The following UBASH3A variants were observed in gnomAD, a reference collection of about 807,000 sequenced individuals.
UBASH3A encodes ubiquitin-associated and SH3 domain-containing protein A.
UBASH3A carries 63 observed loss-of-function variants against 73.5 expected under a neutral mutation model. That is an observed-to-expected ratio of 0.86 (90% confidence interval 0.70 to 1.06). The LOEUF (loss-of-function observed/expected upper bound fraction) is 1.06, where lower values mean the gene tolerates loss of function less well. Ranked by LOEUF, UBASH3A falls within the 50% of genes least tolerant of loss-of-function variation. UBASH3A has a pLI of 0.00. For missense variants in UBASH3A, 860 were observed against 859.0 expected (o/e 1.00, Z -0.02); for synonymous variants, 363 against 351.1 (o/e 1.03, Z -0.38).
chr21:42,444,583 G>A lies in UBASH3A; in HGVS notation c.1788G>A (p.Thr596=), dbSNP rs771455122. The A allele has an allele frequency of 3.7e-6, 6 of 1,614,130 alleles. No individual in the cohort carries two copies. The highest frequency in any genetic ancestry group is 2.2e-5 in the East Asian group (1 of 44,880). ...ACGGCTCCACTCTGGACTCCTGCAC[G>A]CGGCCACTGCTCGGGCTGCCGCCCC... is the stretch of plus-strand genomic sequence containing the variant. The part of the protein sequence containing the change: ...VSHGSTLDSC[T]RPLLGLPPRE... The change falls in exon 14 of 15, where the codon ACG becomes ACA. Residue 596 remains threonine (T), a synonymous_variant. Coordinates refer to ENST00000319294, the MANE Select transcript of UBASH3A (RefSeq NM_018961.4).
chr21:42,428,141 C>T (rs1249686467), intron 8 of UBASH3A, among the ~76,000 whole-genome samples: 2 of 152,164 alleles, frequency 1.3e-5, no homozygotes, highest in Non-Finnish European at 2.9e-5. Context: ...AGAGAGAGGC[C>T]TCAAAAGGAA....
At chr21:42,431,077 C>T (rs1162741219) in intron 8 of UBASH3A, among the ~76,000 whole-genome samples, 1 of 152,178 alleles carries the variant, frequency 6.6e-6, no homozygotes, top group Non-Finnish European at 1.5e-5. Flanking sequence ...CTAGCTGGCT[C>T]GGCCCCTAGC....
At chr21:42,424,983 T>C (rs883868) in intron 7 of UBASH3A, among the ~76,000 whole-genome samples, 72,468 of 151,998 alleles carry the variant, frequency 0.48, 17,554 homozygotes, top group African/African-American at 0.53. Context: ...CCAGCCTCAA[T>C]GGTGGCTTGA....
intron 2 of UBASH3A, 125 bp downstream of exon 2, chr21:42,406,486 C>A (rs564904655): frequency 2.6e-6 from 2 of 757,782 alleles, no homozygotes; most frequent in Non-Finnish European, 4.6e-6. Flanking sequence ...GGGGCCACTG[C>A]GGAAGTGAAA....
At chr21:42,435,659 T>C (rs999927430) in intron 10 of UBASH3A, 1 of 152,184 alleles carries the variant, frequency 6.6e-6, no homozygotes, top group South Asian at 2.1e-4. Flanking sequence ...CATAGAGTTA[T>C]AGAGTTAGAG....
At position 42,447,172 on chromosome 21, in the gene UBASH3A, G is replaced by A; in HGVS notation, c.1964G>A (p.Arg655Lys). The change falls in exon 15 of 15, where the codon AGG becomes AAG. Residue 655 changes from arginine to lysine, a missense_variant. By Grantham distance (26) the Arg-to-Lys change is conservative. Transcript: ENST00000319294. ...THGANAAFNW[R>K]NWISGN Reference sequence around the variant, plus strand: ...GGGGCGAACGCAGCATTTAACTGGAGGAACTGGATCTCAGGCAACTGAGAG... The same window carrying A: ...GGGGCGAACGCAGCATTTAACTGGAAGAACTGGATCTCAGGCAACTGAGAG... The A allele has an allele frequency of 6.2e-7, 1 of 1,614,044 alleles. No homozygotes were observed. The highest frequency in any genetic ancestry group is 8.5e-7 in the Non-Finnish European group (1 of 1,179,988).
At chr21:42,412,270 C>T (rs955943335) in intron 3 of UBASH3A, among the ~76,000 whole-genome samples, 3 of 152,118 alleles carry the variant, frequency 2.0e-5, no homozygotes, top group East Asian at 1.9e-4. Flanking sequence ...TGTCGGGCTC[C>T]GTGGGCCTGA....
chr21:42,414,874 G>A lies in UBASH3A; in HGVS notation c.667+1351G>A, dbSNP rs572721610. Among the ~76,000 whole-genome samples, 39 of 152,314 alleles carry A rather than the reference G, an allele frequency of 2.6e-4. No homozygotes were observed. The South Asian group carries it at 7.3e-3, about 28-fold the overall frequency. On this transcript the variant is annotated intron_variant, in intron 5 of 14. Coordinates refer to ENST00000319294, the MANE Select transcript of UBASH3A (RefSeq NM_018961.4). ...CCCCTAACCAGGCTGGCGGAGCAGG[G>A]ACCTGAACCCACCTCTGTCCTGCTC...
chr21:42,445,442 A>T (rs2053828187), intron 14 of UBASH3A, among the ~76,000 whole-genome samples: 1 of 152,218 alleles, frequency 6.6e-6, no homozygotes, highest in South Asian at 2.1e-4. Flanking sequence ...CCACAGGACC[A>T]CACTGGCCAC....
intron 7 of UBASH3A, among the ~76,000 whole-genome samples, chr21:42,424,253 TC>T (rs2053395798): frequency 6.6e-6 from 1 of 151,814 alleles, no homozygotes; most frequent in African/African-American, 2.4e-5. Context: ...CCAGGAGGAA[TC>T]CCCCTGCCCG....
intron 11 of UBASH3A, among the ~76,000 whole-genome samples, chr21:42,441,773 A>T (rs1275419014): frequency 6.6e-6 from 1 of 152,206 alleles, no homozygotes. Context: ...AGCTCCTTCC[A>T]TGGACCTAAA....
chr21:42,442,910 AG>A (rs1465496104), intron 12 of UBASH3A, among the ~76,000 whole-genome samples: 1 of 152,194 alleles, frequency 6.6e-6, no homozygotes, highest in African/African-American at 2.4e-5. Context: ...GGGGTGGTAG[AG>A]GATAAGGAAC....
chr21:42,406,423 C>A, intron 2 of UBASH3A, 62 bp downstream of exon 2: 1 of 1,394,372 alleles, frequency 7.2e-7, no homozygotes, highest in Non-Finnish European at 1.0e-6. Flanking sequence ...TGCCTAAGGA[C>A]TCCCTCCCAC....
chr21:42,440,557 A>G (rs1372761747), intron 11 of UBASH3A, among the ~76,000 whole-genome samples: 1 of 152,152 alleles, frequency 6.6e-6, no homozygotes, highest in East Asian at 1.9e-4. Flanking sequence ...CAATGAGCGC[A>G]TTTTGTTGGA....
In UBASH3A at chr21:42,447,278, G is replaced by C; in HGVS notation, c.*84G>C. 6.9e-7 allele frequency: 1 copy of C among 1,443,638 alleles called. No homozygotes were observed. Among genetic ancestry groups the C allele is most frequent in the East Asian group, 2.3e-5 (1 of 43,144 alleles). 89.4% of individuals were successfully genotyped at this position (1,443,638 alleles called of 1,614,324 possible). On this transcript the variant is annotated 3_prime_UTR_variant, in exon 15 of 15. Transcript: ENST00000319294. ...CTGGGAGATGCTGCTGTTTCCAGAGGCGTCTTAGTCTCACCCAATGTGATT... is the reference window on the plus strand; with the variant it reads ...CTGGGAGATGCTGCTGTTTCCAGAGCCGTCTTAGTCTCACCCAATGTGATT...
chr21:42,410,097 G>A, intron 3 of UBASH3A: 1 of 702,414 alleles, frequency 1.4e-6, no homozygotes, highest in Non-Finnish European at 2.6e-6. Flanking sequence ...CACAAATGCA[G>A]AACTTTTCCC....
In UBASH3A at chr21:42,413,267, T is replaced by C. The variant is rs201557480; in HGVS notation, c.553+45T>C. ...TGCAAACACAGGGCTGGATTCACAG[T>C]GAGTGAGCCCTCTGTGGCAGGGACT... On this transcript the variant is annotated intron_variant, in intron 4 of 14. Transcript: ENST00000319294. This position sits in a 1 kb window ranked among gnomAD's most constrained non-coding sequence, Gnocchi z 4.5. 3.4e-5 allele frequency: 54 copies of C among 1,603,300 alleles called. No homozygotes were observed. The East Asian group carries it at 1.1e-3, about 33-fold the overall frequency.
chr21:42,412,960 T>C, intron 3 of UBASH3A, 64 bp from the exon 4 acceptor site: 1 of 1,341,018 alleles, frequency 7.5e-7, no homozygotes, highest in Non-Finnish European at 1.1e-6. Context: ...TTGTTATTAA[T>C]TAAATTAATA....
chr21:42,443,108 T>C (rs2053777242), intron 12 of UBASH3A: 8 of 1,360,818 alleles, frequency 5.9e-6, no homozygotes, highest in Non-Finnish European at 7.6e-6. Context: ...CCTCCTGGTG[T>C]TGAGTAAGAA....
Sources: gnomAD v4.1 joint callset for allele counts (sites outside exome capture counted in the v4.1 genomes callset) on GRCh38, gnomAD v4.1.1 for gene constraint, Gnocchi (gnomAD v3.1) non-coding constraint, MANE v1.5 for transcripts, NCBI Gene and HGNC (gene_info 2026-07-23, HGNC 2026-07-21) for gene names.